Variants in FMNL2 observed in about 807,000 individuals in gnomAD.
FMNL2 encodes the protein formin like 2.
In FMNL2, 51 loss-of-function variants were observed where a neutral mutation model predicts 130.2. The observed-to-expected ratio is 0.39, with a 90% confidence interval of 0.31 to 0.49. FMNL2 has a LOEUF of 0.49. Among genes scored for constraint, FMNL2 ranks in the 20% least tolerant of loss-of-function variants. The probability of loss-of-function intolerance (pLI) is 0.85; values close to 1 mark genes in which losing one functional copy is unlikely to be tolerated. For missense variants in FMNL2, 977 were observed against 1,316.2 expected (o/e 0.74, Z 3.99); for synonymous variants, 465 against 467.1 (o/e 1.00, Z 0.06).
At chr2:152,616,808 C>G (rs1698978166) in intron 12 of FMNL2, among the ~76,000 whole-genome samples, 1 of 152,108 alleles carries the variant, frequency 6.6e-6, no homozygotes, top group African/African-American at 2.4e-5. Flanking sequence ...TTTCCTCTAC[C>G]CTTGCTAGCC....
At chr2:152,566,307 A>G (rs745680823) in intron 6 of FMNL2, among the ~76,000 whole-genome samples, 6 of 152,190 alleles carry the variant, frequency 3.9e-5, no homozygotes, top group Non-Finnish European at 5.9e-5. Context: ...TGTAATTTTT[A>G]TTGGTGAGAA....
At chr2:152,639,143 A>G (rs1240411766) in intron 23 of FMNL2, among the ~76,000 whole-genome samples, 1 of 152,154 alleles carries the variant, frequency 6.6e-6, no homozygotes, top group East Asian at 1.9e-4. Context: ...CGTGATGAAT[A>G]GCCTCCTAGC....
chr2:152,590,741 C>T (rs1272603772), intron 9 of FMNL2, among the ~76,000 whole-genome samples: 1 of 151,584 alleles, frequency 6.6e-6, no homozygotes, highest in African/African-American at 2.4e-5. Context: ...AGTGTGTATG[C>T]ATGTTTGTCT....
At chr2:152,418,707 A>G (rs1470190326) in intron 1 of FMNL2, among the ~76,000 whole-genome samples, 4 of 152,150 alleles carry the variant, frequency 2.6e-5, no homozygotes, top group East Asian at 3.8e-4. Flanking sequence ...CTATGCATCT[A>G]TTGATGGACA....
intron 10 of FMNL2, among the ~76,000 whole-genome samples, chr2:152,608,815 A>G (rs1162293293): frequency 6.6e-6 from 1 of 152,154 alleles, no homozygotes; most frequent in African/African-American, 2.4e-5. Context: ...GCTAAAGCCA[A>G]CCTACAGGCT....
chr2:152,387,713 G>T (rs892556257), intron 1 of FMNL2, among the ~76,000 whole-genome samples: 1 of 151,960 alleles, frequency 6.6e-6, no homozygotes, highest in Non-Finnish European at 1.5e-5. Context: ...GAGTGCAGTA[G>T]TGCAATGATA....
chr2:152,630,901 G>C (rs960327211), intron 20 of FMNL2, among the ~76,000 whole-genome samples: 2 of 152,174 alleles, frequency 1.3e-5, no homozygotes, highest in Admixed American at 6.5e-5. Context: ...GATAGCAGAT[G>C]CAGGGCTGGG....
intron 1 of FMNL2, among the ~76,000 whole-genome samples, chr2:152,370,285 T>C (rs1683799375): frequency 6.6e-6 from 1 of 152,162 alleles, no homozygotes; most frequent in South Asian, 2.1e-4. Flanking sequence ...TATCCTCACA[T>C]GGCAGAAAGA....
At chr2:152,599,806 C>T (rs184131348) in intron 9 of FMNL2, among the ~76,000 whole-genome samples, 2 of 152,220 alleles carry the variant, frequency 1.3e-5, no homozygotes, top group East Asian at 1.9e-4. Context: ...TTTGTTTTAG[C>T]GGAGTGAGAT....
At chr2:152,469,637 T>C (rs1689746744) in intron 1 of FMNL2, among the ~76,000 whole-genome samples, 1 of 152,258 alleles carries the variant, frequency 6.6e-6, no homozygotes, top group Non-Finnish European at 1.5e-5. Flanking sequence ...TGTGTCCTTA[T>C]GCTCCGCTTG....
chr2:152,556,128 A>G (rs1669322635), intron 4 of FMNL2, among the ~76,000 whole-genome samples: 1 of 152,218 alleles, frequency 6.6e-6, no homozygotes, highest in Non-Finnish European at 1.5e-5. Context: ...AAGAAGGGGT[A>G]GGGACTGAGA....
chr2:152,640,367 G>A (rs568355024), intron 24 of FMNL2, among the ~76,000 whole-genome samples: 52 of 152,248 alleles, frequency 3.4e-4, no homozygotes, highest in Non-Finnish European at 6.2e-4. Flanking sequence ...AAGGCTTTAT[G>A]CAGATGCCCA....
chr2:152,389,370 G>A (rs1229001851), intron 1 of FMNL2, among the ~76,000 whole-genome samples: 1 of 151,962 alleles, frequency 6.6e-6, no homozygotes, highest in African/African-American at 2.4e-5. Flanking sequence ...CTTTTTTAGG[G>A]GCACTAATCG....
At chr2:152,390,216 C>A in intron 1 of FMNL2, 1 of 1,447,862 alleles carries the variant, frequency 6.9e-7, no homozygotes, top group Non-Finnish European at 9.7e-7. Context: ...AAACTTCCGG[C>A]TGAAAGGGAA....
chr2:152,486,397 G>C (rs1262611636), intron 1 of FMNL2, among the ~76,000 whole-genome samples: 1 of 152,110 alleles, frequency 6.6e-6, no homozygotes, highest in Non-Finnish European at 1.5e-5. Flanking sequence ...CTGGGGACTG[G>C]GCTATAAGCA....
At chr2:152,410,246 ACT>A (rs2105996485) in intron 1 of FMNL2, among the ~76,000 whole-genome samples, 1 of 152,216 alleles carries the variant, frequency 6.6e-6, no homozygotes, top group South Asian at 2.1e-4. Context: ...ACAGGTGTTG[ACT>A]CTAGCAGCAG....
intron 1 of FMNL2, among the ~76,000 whole-genome samples, chr2:152,342,397 G>A (rs1471769145): frequency 6.6e-6 from 1 of 152,218 alleles, no homozygotes; most frequent in Non-Finnish European, 1.5e-5. Flanking sequence ...AACTTAGGAG[G>A]GAAGGTGAGT....
intron 1 of FMNL2, among the ~76,000 whole-genome samples, chr2:152,495,797 C>T (rs1403998068): frequency 1.3e-5 from 2 of 151,706 alleles, no homozygotes; most frequent in East Asian, 3.9e-4. Flanking sequence ...ACTAGGATGC[C>T]TTGTTTAGTG....
chr2:152,487,907 C>A (rs905011433), intron 1 of FMNL2, among the ~76,000 whole-genome samples: 4 of 151,962 alleles, frequency 2.6e-5, no homozygotes, highest in Admixed American at 2.0e-4. Context: ...TGTGCCTCAG[C>A]CTCTGGAGTA....
Sources: gnomAD v4.1 joint callset for allele counts (sites outside exome capture counted in the v4.1 genomes callset) on GRCh38, gnomAD v4.1.1 for gene constraint, MANE v1.5 for transcripts, NCBI Gene and HGNC (gene_info 2026-07-23, HGNC 2026-07-21) for gene names.